The following AGO3 variants were observed in gnomAD, a reference collection of about 807,000 sequenced individuals.
AGO3 encodes the protein argonaute RISC catalytic component 3, also known as protein argonaute-3.
In AGO3, 16 loss-of-function variants were observed where a neutral mutation model predicts 105.5. The ratio of observed to expected loss-of-function variants is 0.15; its 90% CI spans 0.10 to 0.23. The LOEUF (loss-of-function observed/expected upper bound fraction) is 0.23, where lower values mean the gene tolerates loss of function less well. Ranked by LOEUF, AGO3 falls within the 10% of genes least tolerant of loss-of-function variation. The probability of loss-of-function intolerance (pLI) is 1.00; values close to 1 mark genes in which losing one functional copy is unlikely to be tolerated. For missense variants in AGO3, 534 were observed against 1,088.0 expected, an observed-to-expected ratio of 0.49 and a Z score of 7.16; for synonymous variants, 340 against 367.3, an observed-to-expected ratio of 0.93 and a Z score of 0.85.
chr1:35,965,325 A>C (rs1179328526), intron 2 of AGO3, among the ~76,000 whole-genome samples: 2 of 151,818 alleles, frequency 1.3e-5, no homozygotes, highest in African/African-American at 4.8e-5. Flanking sequence ...CCCTGTCTCT[A>C]CTAAAAATAC....
chr1:36,047,750 A>C (rs1222038642), intron 17 of AGO3, among the ~76,000 whole-genome samples: 1 of 152,014 alleles, frequency 6.6e-6, no homozygotes, highest in East Asian at 1.9e-4. Context: ...GCATGGTGGC[A>C]TGCACCTGTA....
At chr1:35,948,322 A>G (rs1419351665) in intron 2 of AGO3, among the ~76,000 whole-genome samples, 10 of 151,522 alleles carry the variant, frequency 6.6e-5, no homozygotes, top group Non-Finnish European at 5.9e-5. Flanking sequence ...GGTTCAAGCA[A>G]TTCTCCTGCC....
intron 5 of AGO3, among the ~76,000 whole-genome samples, chr1:35,986,561 C>G (rs1031094493): frequency 8.6e-5 from 13 of 151,948 alleles, no homozygotes; most frequent in Admixed American, 2.6e-4. Flanking sequence ...TGGTAGTGCA[C>G]GTCTATAATC....
chr1:35,934,950 T>C (rs918570916), intron 1 of AGO3, among the ~76,000 whole-genome samples: 1 of 152,204 alleles, frequency 6.6e-6, no homozygotes, highest in African/African-American at 2.4e-5. Context: ...GAAATGTTTT[T>C]GTCGTTATAT....
chr1:35,955,370 C>T (rs1239344006), intron 2 of AGO3, among the ~76,000 whole-genome samples: 1 of 152,156 alleles, frequency 6.6e-6, no homozygotes, highest in Non-Finnish European at 1.5e-5. Flanking sequence ...ACACACATTT[C>T]AAAAACTATA....
At chr1:35,933,504 T>C (rs961035150) in intron 1 of AGO3, among the ~76,000 whole-genome samples, 1 of 151,806 alleles carries the variant, frequency 6.6e-6, no homozygotes, top group African/African-American at 2.4e-5. Flanking sequence ...TAGCCGAGAA[T>C]TGTGGCACAT....
chr1:35,987,900 T>A (rs1041278938), intron 5 of AGO3, among the ~76,000 whole-genome samples: 4 of 151,782 alleles, frequency 2.6e-5, no homozygotes, highest in Non-Finnish European at 4.4e-5. Flanking sequence ...AAACCCCGTC[T>A]CTACTAAAAA....
At position 36,021,584 on chromosome 1, in the gene AGO3, A is replaced by T. The variant is rs186182101; in HGVS notation, c.1407-5530A>T. 2.9e-4 allele frequency among the ~76,000 whole-genome samples: 44 copies of T among 152,164 alleles called. No individual in the cohort carries two copies. The East Asian group carries it at 8.1e-3, about 28-fold the overall frequency. ...ATAAGCCTGTTTATTATCTCTTTTG[A>T]CTGTTGTAGGGGACCTCTGTAACAT... On this transcript the variant is annotated intron_variant, in intron 11 of 18. Coordinates refer to ENST00000373191, the MANE Select transcript of AGO3 (RefSeq NM_024852.4).
Position 35,967,061 on chromosome 1 carries a change from G to A in AGO3, c.298G>A (p.Val100Met), listed in dbSNP as rs1447928281. 6.2e-7 allele frequency: 1 copy of A among 1,613,228 alleles called. No homozygotes were observed. Among genetic ancestry groups the A allele is most frequent in the Admixed American group, 1.7e-5 (1 of 59,808 alleles). The part of the protein sequence containing the change: ...RSLYTANPLP[V>M]ATTGVDLDVT... ...TCTTTACACCGCCAATCCACTTCCT[G>A]TGGCAACTACAGGGGTAAGATATGC... Residue 100 changes from valine to methionine, a missense_variant, in exon 3 of 19, where the codon GTG (valine) becomes ATG (methionine). By Grantham distance (21) the Val-to-Met change is conservative. Transcript: ENST00000373191.
intron 5 of AGO3, among the ~76,000 whole-genome samples, chr1:35,995,209 A>AAAAATATAT (rs1237315557): frequency 5.1e-4 from 59 of 114,730 alleles, no homozygotes; most frequent in African/African-American, 2.0e-3. Context: ...TAAAAAAAAA[A>AAAAATATAT]ATATATATAT....
chr1:36,031,439 A>G (rs905351536), intron 12 of AGO3, among the ~76,000 whole-genome samples: 2 of 151,288 alleles, frequency 1.3e-5, no homozygotes, highest in Non-Finnish European at 2.9e-5. Context: ...AGCAACAAAT[A>G]CCCTGTTTTT....
chr1:35,943,849 C>T (rs763023438), intron 1 of AGO3, among the ~76,000 whole-genome samples: 6 of 151,894 alleles, frequency 4.0e-5, no homozygotes, highest in Non-Finnish European at 8.8e-5. Flanking sequence ...AGTCTGCCCA[C>T]CTCGGCCTCC....
chr1:35,978,266 T>C (rs1557661578), intron 5 of AGO3, among the ~76,000 whole-genome samples: 1 of 152,168 alleles, frequency 6.6e-6, no homozygotes, highest in Non-Finnish European at 1.5e-5. Context: ...CTCGACTCAC[T>C]GCAACCTCCG....
chr1:36,053,231 T>A (rs1642788852), intron 17 of AGO3, among the ~76,000 whole-genome samples: 1 of 152,036 alleles, frequency 6.6e-6, no homozygotes, highest in Admixed American at 6.6e-5. Flanking sequence ...TCAGAAACCT[T>A]AGGGAACAGT....
intron 3 of AGO3, among the ~76,000 whole-genome samples, chr1:35,969,516 G>A (rs72902988): frequency 0.12 from 18,155 of 152,002 alleles, 2,827 homozygotes; most frequent in East Asian, 0.68. Context: ...CTGCTGTAAG[G>A]GAGTATATTT....
chr1:35,932,356 T>G (rs1402586719), intron 1 of AGO3, among the ~76,000 whole-genome samples: 1 of 152,212 alleles, frequency 6.6e-6, no homozygotes, highest in Non-Finnish European at 1.5e-5. Context: ...TTTCAAAATA[T>G]TTGCGGGGCT....
At chr1:35,980,332 T>C (rs190550284) in intron 5 of AGO3, among the ~76,000 whole-genome samples, 1 of 152,368 alleles carries the variant, frequency 6.6e-6, no homozygotes, top group Admixed American at 6.5e-5. Flanking sequence ...GTCATTGAGC[T>C]TATTCTACTT....
At chr1:35,932,580 T>C (rs1407458052) in intron 1 of AGO3, among the ~76,000 whole-genome samples, 2 of 151,610 alleles carry the variant, frequency 1.3e-5, no homozygotes, top group Non-Finnish European at 2.9e-5. Context: ...TTTTTACAAA[T>C]TTTGTTACAT....
At position 36,059,707 on chromosome 1, in the gene AGO3, T is replaced by C. The variant is rs929463500; in HGVS notation, c.*3962T>C. On this transcript the variant is annotated 3_prime_UTR_variant, in exon 19 of 19. Coordinates refer to ENST00000373191, the MANE Select transcript of AGO3 (RefSeq NM_024852.4). ...TACACTTACAATATTGTAGCTGCTATATTTATTTAAGTAGATTCTGACAGT... is the reference window on the plus strand; with the variant it reads ...TACACTTACAATATTGTAGCTGCTACATTTATTTAAGTAGATTCTGACAGT... 1.3e-5 allele frequency: 2 copies of C among 152,078 alleles called. No homozygotes were observed. Among genetic ancestry groups the C allele is most frequent in the Non-Finnish European group, 2.9e-5 (2 of 68,014 alleles). 9.4% of individuals were successfully genotyped at this position (152,078 alleles called of 1,614,324 possible).
Sources: gnomAD v4.1 joint callset for allele counts (sites outside exome capture counted in the v4.1 genomes callset) on GRCh38, gnomAD v4.1.1 for gene constraint, MANE v1.5 for transcripts, NCBI Gene and HGNC (gene_info 2026-07-23, HGNC 2026-07-21) for gene names.